The following ZKSCAN7 variants were observed in gnomAD, a reference collection of about 807,000 sequenced individuals.
ZKSCAN7 encodes zinc finger protein with KRAB and SCAN domains 7.
A neutral mutation model predicts 65.3 loss-of-function variants in ZKSCAN7; 38 were observed. That is an observed-to-expected ratio of 0.58 (90% CI 0.45 to 0.76). ZKSCAN7 has a LOEUF of 0.76. Among genes scored for constraint, ZKSCAN7 ranks in the 30% least tolerant of loss-of-function variants. The pLI is 0.00. For synonymous variants in ZKSCAN7, 321 were observed against 321.0 expected (o/e 1.00, Z 0.00); for missense variants, 815 against 913.3 (o/e 0.89, Z 1.39).
At chr3:44,582,425 C>T (rs963510003) in intron 5 of ZKSCAN7, among the ~76,000 whole-genome samples, 3 of 152,100 alleles carry the variant, frequency 2.0e-5, no homozygotes, top group Non-Finnish European at 4.4e-5. Context: ...AATGTTTTTT[C>T]CCCTTAGATG....
chr3:44,581,049 G>A, intron 5 of ZKSCAN7: 1 of 1,500,372 alleles, frequency 6.7e-7, no homozygotes, highest in Non-Finnish European at 8.9e-7. Context: ...GGCGGCGGCG[G>A]CGCAGGCCCG....
intron 3 of ZKSCAN7, among the ~76,000 whole-genome samples, chr3:44,566,400 C>T (rs547350305): frequency 1.6e-4 from 25 of 152,146 alleles, no homozygotes; most frequent in South Asian, 4.2e-4. Context: ...AAGGGGAAGG[C>T]GCCTTAGTTA....
chr3:44,569,867 T>A, intron 5 of ZKSCAN7, 55 bp from the exon 6 acceptor site: 1 of 1,478,818 alleles, frequency 6.8e-7, no homozygotes, highest in Non-Finnish European at 9.0e-7. Flanking sequence ...AATGATTCTC[T>A]TTCTTAAACA....
At chr3:44,579,974 T>TC in intron 5 of ZKSCAN7, 4 of 1,443,690 alleles carry the variant, frequency 2.8e-6, no homozygotes, top group Non-Finnish European at 3.8e-6. Flanking sequence ...GGAGAGGAGC[T>TC]TGGGGGGGGG....
At chr3:44,555,819 G>A (rs1699273589) in intron 1 of ZKSCAN7, among the ~76,000 whole-genome samples, 1 of 152,206 alleles carries the variant, frequency 6.6e-6, no homozygotes, top group African/African-American at 2.4e-5. Context: ...CAGCACAGAT[G>A]CCCTAGTTAC....
intron 3 of ZKSCAN7, 23 bp downstream of exon 3, chr3:44,565,678 C>T: frequency 6.4e-6 from 10 of 1,553,088 alleles, no homozygotes; most frequent in Non-Finnish European, 8.7e-6. Flanking sequence ...CCAGCTTTGG[C>T]CTTAAGTCAT....
intron 2 of ZKSCAN7, 165 bp downstream of exon 2, chr3:44,557,635 C>T: frequency 3.5e-6 from 3 of 856,768 alleles, no homozygotes; most frequent in Non-Finnish European, 3.5e-6. Context: ...AAGCCATAAA[C>T]ACAAGTGCAC....
chr3:44,582,907 CGTGTGT>C (rs4016043), intron 5 of ZKSCAN7: 39,168 of 352,744 alleles, frequency 0.11, 1,372 homozygotes, highest in Middle Eastern at 0.17. Flanking sequence ...CATGAATATT[CGTGTGT>C]GTGTGTGTGT....
At chr3:44,581,177 C>T (rs1293901590) in intron 5 of ZKSCAN7, among the ~76,000 whole-genome samples, 5 of 147,050 alleles carry the variant, frequency 3.4e-5, no homozygotes, top group Non-Finnish European at 4.5e-5. Flanking sequence ...CTGCACGCGC[C>T]GAGGCTCCTG....
intron 2 of ZKSCAN7, among the ~76,000 whole-genome samples, chr3:44,564,397 A>G (rs1452448469): frequency 6.6e-6 from 1 of 152,366 alleles, no homozygotes; most frequent in Admixed American, 6.5e-5. Context: ...CAGTCAGCAG[A>G]TATTAATTGA....
At chr3:44,578,697 G>A (rs578143896) in intron 5 of ZKSCAN7, among the ~76,000 whole-genome samples, 19 of 152,336 alleles carry the variant, frequency 1.2e-4, no homozygotes, top group South Asian at 4.1e-4. Context: ...ATCTCCTCCC[G>A]GTGGGCGTTC....
intron 5 of ZKSCAN7, chr3:44,581,025 A>T: frequency 6.3e-7 from 1 of 1,577,742 alleles, no homozygotes. Flanking sequence ...GGCTGCCGAC[A>T]TGGTCGGCGC....
At chr3:44,560,249 C>T (rs181124412) in intron 2 of ZKSCAN7, among the ~76,000 whole-genome samples, 36 of 152,294 alleles carry the variant, frequency 2.4e-4, no homozygotes, top group Non-Finnish European at 4.3e-4. Context: ...GCAGGACTAT[C>T]TTTCATCAGC....
intron 2 of ZKSCAN7, among the ~76,000 whole-genome samples, chr3:44,559,153 T>G (rs527348204): frequency 6.6e-6 from 1 of 152,170 alleles, no homozygotes; most frequent in African/African-American, 2.4e-5. Context: ...CATGCATTCA[T>G]CCGTTATCTA....
Position 44,571,504 on chromosome 3 carries a change from A to G in ZKSCAN7, c.*129A>G. ...TTCCCTACTTGCTTTTCCTTGGATC[A>G]CTAAGGTGGGAGAGTAGGAGTAACT... On this transcript the variant is annotated 3_prime_UTR_variant, in exon 6 of 6. Coordinates refer to ENST00000426540, the MANE Select transcript of ZKSCAN7 (RefSeq NM_001288590.2). The G allele has an allele frequency of 1.3e-6, 2 of 1,582,470 alleles. No individual in the cohort carries two copies. Among genetic ancestry groups the G allele is most frequent in the East Asian group, 2.2e-5 (1 of 44,620 alleles).
At chr3:44,573,027 G>A (rs1699852280), downstream of ZKSCAN7, among the ~76,000 whole-genome samples, 1 of 152,016 alleles carries the variant, frequency 6.6e-6, no homozygotes, top group Non-Finnish European at 1.5e-5. Context: ...TTTCCTTATC[G>A]ACTAGTCCTA....
downstream of ZKSCAN7, among the ~76,000 whole-genome samples, chr3:44,573,463 T>A (rs1428436554): frequency 6.6e-6 from 1 of 152,166 alleles, no homozygotes; most frequent in African/African-American, 2.4e-5. Context: ...TAGGGACATA[T>A]CTCAGGCAAG....
chr3:44,574,093 A>G (rs1699878471), downstream of ZKSCAN7, among the ~76,000 whole-genome samples: 1 of 152,170 alleles, frequency 6.6e-6, no homozygotes, highest in Non-Finnish European at 1.5e-5. Flanking sequence ...TAATAAATTA[A>G]TGGCTCCTTT....
downstream of ZKSCAN7, among the ~76,000 whole-genome samples, chr3:44,574,028 T>A (rs1016864515): frequency 6.6e-6 from 1 of 152,236 alleles, no homozygotes; most frequent in Non-Finnish European, 1.5e-5. Context: ...TGGACTGTTA[T>A]GTTGCTGAAT....
Sources: gnomAD v4.1 joint callset for allele counts (sites outside exome capture counted in the v4.1 genomes callset) on GRCh38, gnomAD v4.1.1 for gene constraint, MANE v1.5 for transcripts, NCBI Gene and HGNC (gene_info 2026-07-23, HGNC 2026-07-21) for gene names.